Variants in PARP10 observed in about 807,000 individuals in gnomAD.
PARP10 encodes the protein poly(ADP-ribose) polymerase family member 10, also known as protein mono-ADP-ribosyltransferase PARP10.
In PARP10, 56 loss-of-function variants were observed where a neutral mutation model predicts 82.4. The ratio of observed to expected loss-of-function variants is 0.68; its 90% CI spans 0.55 to 0.85. The LOEUF is 0.85. Ranked by LOEUF, PARP10 falls within the 40% of genes least tolerant of loss-of-function variation. The pLI, the probability that PARP10 is intolerant of heterozygous loss-of-function variation, is 0.00. For missense variants in PARP10, 1,227 were observed against 1,379.4 expected, an observed-to-expected ratio of 0.89 and a Z score of 1.75; for synonymous variants, 576 against 601.1, an observed-to-expected ratio of 0.96 and a Z score of 0.61.
At chr8:143,990,410 G>T, upstream of PARP10, 1 of 151,810 alleles carries the variant, frequency 6.6e-6, no homozygotes, top group South Asian at 2.0e-4. This position sits in a 1 kb window ranked among gnomAD's most constrained non-coding sequence, Gnocchi z 5.6. Context: ...GCCGGAGGGA[G>T]GGGGCGGCGC....
chr8:143,977,962 CGGT>C lies in PARP10; in HGVS notation c.2673_2675del (p.Pro892del), dbSNP rs782585751. The C allele has an allele frequency of 6.3e-7, 1 of 1,599,700 alleles. No individual in the cohort carries two copies. Among genetic ancestry groups the C allele is most frequent in the East Asian group, 2.2e-5 (1 of 44,818 alleles). The stretch of plus-strand genomic sequence containing the variant: ...CGTGGGCGCAGATGTCAGGCACTGC[CGGT>C]GCCGTCGTGCCGTGGTACAGCACCT... On this transcript the variant is annotated inframe_deletion, in exon 10 of 11. Transcript: ENST00000313028.
rs1554746637 is a variant in PARP10 at position 143,977,796 on chromosome 8, C to A, written c.2766G>T (p.Arg922Ser). ...TVYGKGVYFA[R>S]RASLSVQDRY... is the part of the protein sequence containing the mutation. ...GGTCCTGCACCGACAGGGAGGCGCG[C>A]CTGGCGAAATACACGCCCTTCCCGT... is the stretch of plus-strand genomic sequence containing the variant. Residue 922 changes from arginine (R) to serine (S), a missense_variant, in exon 11 of 11, where the codon AGG (arginine) becomes AGT (serine). Arg to Ser is a moderately radical substitution (Grantham distance 110, BLOSUM62 -1). Transcript: ENST00000313028. 1 of 1,601,830 alleles carries A rather than the reference C, an allele frequency of 6.2e-7. No individual in the cohort carries two copies. Among genetic ancestry groups the A allele is most frequent in the Non-Finnish European group, 8.5e-7 (1 of 1,174,660 alleles).
chr8:144,005,888 G>A (rs1434548513), intron 1 of PARP10, among the ~76,000 whole-genome samples: 2 of 151,612 alleles, frequency 1.3e-5, no homozygotes, highest in Non-Finnish European at 2.9e-5. Flanking sequence ...TCCACCTTCC[G>A]CACGGAGCAC....
chr8:144,000,039 C>T (rs1554751594), intron 1 of PARP10, among the ~76,000 whole-genome samples: 1 of 152,028 alleles, frequency 6.6e-6, no homozygotes, highest in East Asian at 1.9e-4. Flanking sequence ...GGTAAGACAT[C>T]GACCCATAAT....
upstream of PARP10, among the ~76,000 whole-genome samples, chr8:143,987,595 A>C (rs1211438541): frequency 6.6e-6 from 1 of 152,192 alleles, no homozygotes; most frequent in Non-Finnish European, 1.5e-5. Context: ...GCAACAGTAG[A>C]AACCAAAGTC....
In PARP10 at chr8:144,011,499, C is replaced by T. The variant is rs537670689; in HGVS notation, c.-80+1031G>A. 2.0e-5 allele frequency among the ~76,000 whole-genome samples: 3 copies of T among 152,306 alleles called. No homozygotes were observed. Among genetic ancestry groups the T allele is most frequent in the Admixed American group, 6.5e-5 (1 of 15,300 alleles). ...TCCTCTGGCCTGTACCTGGACTTCG[C>T]TATCCTCTCCCTGCCCCAAAAAGAG... On this transcript the variant is annotated intron_variant, in intron 1 of 3. Transcript: ENST00000530478. This position sits in a 1 kb window ranked among gnomAD's most constrained non-coding sequence, Gnocchi z 4.5.
chr8:143,985,591 G>A lies in PARP10; in HGVS notation c.494C>T (p.Ser165Phe). The A allele has an allele frequency of 6.2e-7, 1 of 1,614,018 alleles. No individual in the cohort carries two copies. ...TCGGGCCTGGGGAACCCGGGCCAGG[G>A]ACACCAAGGTCCCCTCCAGGCCCAG... ...QNLGLEGTLV[S>F]LARVPQARAV... Residue 165 changes from serine to phenylalanine, a missense_variant, in exon 4 of 11, where the codon TCC (serine) becomes TTC (phenylalanine). Coordinates refer to ENST00000313028, the MANE Select transcript of PARP10 (RefSeq NM_032789.5).
Position 144,008,577 on chromosome 8 carries a change from C to T in PARP10, c.-80+3953G>A, listed in dbSNP as rs1250462511. Among the ~76,000 whole-genome samples the T allele has an allele frequency of 2.0e-5, 3 of 152,148 alleles. No homozygotes were observed. The highest frequency in any genetic ancestry group is 4.4e-5 in the Non-Finnish European group (3 of 68,028). On this transcript the variant is annotated intron_variant, in intron 1 of 3. Coordinates refer to the PARP10 transcript ENST00000530478. This position sits in a 1 kb window ranked among gnomAD's most constrained non-coding sequence, Gnocchi z 4.0. ...GGGAGGAGCGCAAACCCCGAGTGCACCCCAGGAGGTTCCTGTCACTCCTGC... is the reference window on the plus strand; with the variant it reads ...GGGAGGAGCGCAAACCCCGAGTGCATCCCAGGAGGTTCCTGTCACTCCTGC...
At position 143,985,496 on chromosome 8, in the gene PARP10, G is replaced by A. The variant is rs141423961; in HGVS notation, c.589C>T (p.Arg197Cys). The change falls in exon 4 of 11, where the codon CGC becomes TGC. Residue 197 changes from arginine (R) to cysteine (C), a missense_variant. Coordinates refer to ENST00000313028, the MANE Select transcript of PARP10 (RefSeq NM_032789.5). Reference protein sequence around the residue: ...LLLELYLENERRSGGGPLEDL... With the variant: ...LLLELYLENECRSGGGPLEDL... Reference sequence around the variant, plus strand: ...TCCAGGGGCCCCCCACCACTGCGGCGCTCATTCTCCAGGTACAACTCCAGC... The same window carrying A: ...TCCAGGGGCCCCCCACCACTGCGGCACTCATTCTCCAGGTACAACTCCAGC... The A allele has an allele frequency of 1.7e-4, 271 of 1,613,866 alleles. No homozygotes were observed. In the African/African-American group the frequency reaches 2.6e-3, roughly 16 times the overall value.
chr8:144,004,376 G>GTTT (rs1461669767), intron 1 of PARP10, among the ~76,000 whole-genome samples: 2 of 152,186 alleles, frequency 1.3e-5, no homozygotes, highest in African/African-American at 2.4e-5. Context: ...AATGGGGACA[G>GTTT]TTTTCGTTTT....
chr8:143,977,559 G>A lies in PARP10; in HGVS notation c.3003C>T (p.Leu1001=). ...FHDTQALPTH[L]ITCEHVPRAS... is the part of the protein sequence containing the mutation. ...CGCGGGGCACGTGCTCGCAGGTGAT[G>A]AGGTGGGTGGGCAGCGCCTGGGTGT... Residue 1001 remains leucine (L), a synonymous_variant, in exon 11 of 11, where the codon CTC becomes CTT. Transcript: ENST00000313028. 6.4e-7 allele frequency: 1 copy of A among 1,571,084 alleles called. No individual in the cohort carries two copies. Among genetic ancestry groups the A allele is most frequent in the Non-Finnish European group, 8.6e-7 (1 of 1,158,564 alleles).
In PARP10 at chr8:143,984,230, A is replaced by C. The variant is rs74677817; in HGVS notation, c.1660T>G (p.Leu554Val). 3.1e-6 allele frequency: 5 copies of C among 1,613,898 alleles called. No individual in the cohort carries two copies. The highest frequency in any genetic ancestry group is 3.3e-5 in the Admixed American group (2 of 60,010). ...TCTACCTCTTCAAGGCCTGTGTCCAACGTGGCTGTGGCCAGGCGCTCTGTC... is the reference window on the plus strand; with the variant it reads ...TCTACCTCTTCAAGGCCTGTGTCCACCGTGGCTGTGGCCAGGCGCTCTGTC... ...FGTERLATAT[L>V]DTGLEEVDPT... The change falls in exon 6 of 11, where the codon TTG becomes GTG. Residue 554 changes from leucine (L) to valine (V), a missense_variant. By Grantham distance (32) the Leu-to-Val change is conservative (BLOSUM62 1). Coordinates refer to ENST00000313028, the MANE Select transcript of PARP10 (RefSeq NM_032789.5).
chr8:143,992,675 T>G (rs782458330), upstream of PARP10: 14 of 1,613,946 alleles, frequency 8.7e-6, no homozygotes, highest in Non-Finnish European at 1.2e-5. Flanking sequence ...TCAACACCAC[T>G]GTGCTGTCAC....
At position 143,983,753 on chromosome 8, in the gene PARP10, C is replaced by G. The variant is rs566885829; in HGVS notation, c.1836G>C (p.Trp612Cys). 3.1e-6 allele frequency: 5 copies of G among 1,612,236 alleles called. No individual in the cohort carries two copies. In the East Asian group the frequency reaches 6.7e-5, roughly 22 times the overall value. ...LEGLDLDGED[W>C]LPRELEEEGP... ...CTTCCTCCTCCAGCTCCCGAGGCAG[C>G]CAGTCCTCCCCGTCTAGGTCTAGGC... The change falls in exon 8 of 11, where the codon TGG (tryptophan) becomes TGC (cysteine). Residue 612 changes from tryptophan to cysteine, a missense_variant. Trp to Cys is a radical substitution (Grantham distance 215). Transcript: ENST00000313028.
At chr8:143,991,758 C>T, upstream of PARP10, 1 of 1,613,736 alleles carries the variant, frequency 6.2e-7, no homozygotes, top group African/African-American at 1.3e-5. Flanking sequence ...GACTTCCCTG[C>T]CACCAACTGG....
rs34804171 is a variant in PARP10, at chr8:143,985,474, AG to A, written c.610del (p.Leu204TrpfsTer38). On this transcript the variant is annotated frameshift_variant, in exon 4 of 11. Coordinates refer to ENST00000313028, the MANE Select transcript of PARP10 (RefSeq NM_032789.5). LOFTEE classifies it high-confidence loss of function. The stretch of plus-strand genomic sequence containing the variant: ...CCCGGGTAGGCGTTGCAGGTCCTCC[AG>A]GGGCCCCCCACCACTGCGGCGCTCA... ...ENERRSGGGP[L>X]EDLQRLPGPL... is the part of the protein sequence containing the mutation. 1.2e-6 allele frequency: 2 copies of A among 1,613,142 alleles called. No homozygotes were observed. Among genetic ancestry groups the A allele is most frequent in the Non-Finnish European group, 1.7e-6 (2 of 1,179,636 alleles).
upstream of PARP10, chr8:143,992,840 A>C: frequency 6.2e-7 from 1 of 1,613,034 alleles, no homozygotes; most frequent in Non-Finnish European, 8.5e-7. Context: ...GCCAAGGAGT[A>C]GCCGAGCTCC....
At chr8:143,982,686 C>G (rs1564249662) in intron 9 of PARP10, among the ~76,000 whole-genome samples, 1 of 152,230 alleles carries the variant, frequency 6.6e-6, no homozygotes, top group Non-Finnish European at 1.5e-5. Flanking sequence ...GCTGACCCAG[C>G]CACGAGTGGC....
At chr8:143,983,929 G>T (rs1433919745) in intron 7 of PARP10, 79 bp downstream of exon 7, 1 of 1,476,480 alleles carries the variant, frequency 6.8e-7, no homozygotes, top group Non-Finnish European at 9.1e-7. Context: ...TCAGTAGACA[G>T]ATGGGAGCAC....
Sources: allele counts gnomAD v4.1 joint callset (sites outside exome capture counted in the v4.1 genomes callset), GRCh38; gene constraint gnomAD v4.1.1; non-coding constraint Gnocchi (gnomAD v3.1); transcripts MANE v1.5; gene names NCBI Gene and HGNC (gene_info 2026-07-23, HGNC 2026-07-21).